Variants in PRKN observed in about 807,000 individuals in gnomAD.
PRKN encodes parkin RBR E3 ubiquitin protein ligase.
In PRKN, 56 loss-of-function variants were observed where a neutral mutation model predicts 59.5. The observed-to-expected ratio is 0.94, with a 90% confidence interval of 0.76 to 1.18. The LOEUF (loss-of-function observed/expected upper bound fraction) is 1.18, where lower values mean the gene tolerates loss of function less well. Ranked by LOEUF, PRKN falls within the 50% of genes most tolerant of loss-of-function variation. The probability of loss-of-function intolerance (pLI) is 0.00; values close to 1 mark genes in which losing one functional copy is unlikely to be tolerated. For synonymous variants in PRKN, 250 were observed against 222.1 expected, an observed-to-expected ratio of 1.13 and a Z score of -1.12; for missense variants, 657 against 596.4, an observed-to-expected ratio of 1.10 and a Z score of -1.06.
chr6:162,685,480 C>A (rs531098338), intron 1 of PRKN, among the ~76,000 whole-genome samples: 1 of 151,984 alleles, frequency 6.6e-6, no homozygotes, highest in African/African-American at 2.4e-5. Flanking sequence ...TGGAAAATGT[C>A]GTAGTACAAA....
intron 7 of PRKN, among the ~76,000 whole-genome samples, chr6:161,656,587 G>A (rs6908057): frequency 0.45 from 68,009 of 151,988 alleles, 17,462 homozygotes; most frequent in African/African-American, 0.72. Context: ...CCAATGAAAC[G>A]TTTCAGTCCT....
At chr6:161,364,262 C>T (rs575297262) in intron 10 of PRKN, among the ~76,000 whole-genome samples, 14 of 149,798 alleles carry the variant, frequency 9.3e-5, no homozygotes, top group South Asian at 6.4e-4. Flanking sequence ...AGTTTGAGAC[C>T]GTCCTGACCA....
intron 4 of PRKN, among the ~76,000 whole-genome samples, chr6:162,099,456 A>G (rs1389444573): frequency 6.6e-6 from 1 of 152,212 alleles, no homozygotes; most frequent in African/African-American, 2.4e-5. Flanking sequence ...GAACCTATGA[A>G]TATGTAACAC....
Position 161,676,601 on chromosome 6 carries a change from G to C in PRKN, c.872-107185C>G, listed in dbSNP as rs915294079. Reference sequence around the variant, plus strand: ...GACTGTCTAGGGCTCCTTTTGTGCTGCGACAGCGTGGTTGAGTAGCTGGGA... The same window carrying C: ...GACTGTCTAGGGCTCCTTTTGTGCTCCGACAGCGTGGTTGAGTAGCTGGGA... On this transcript the variant is annotated intron_variant, in intron 7 of 11. Coordinates refer to ENST00000366898, the MANE Select transcript of PRKN (RefSeq NM_004562.3). Among the ~76,000 whole-genome samples, 5 of 152,332 alleles carry C rather than the reference G, an allele frequency of 3.3e-5. No individual in the cohort carries two copies. The South Asian group carries it at 6.2e-4, about 19-fold the overall frequency.
chr6:161,633,700 C>T (rs1237774443), intron 7 of PRKN, among the ~76,000 whole-genome samples: 2 of 152,180 alleles, frequency 1.3e-5, no homozygotes, highest in Non-Finnish European at 2.9e-5. Context: ...AAAGTGCTTT[C>T]TTGCCACTTC....
intron 9 of PRKN, among the ~76,000 whole-genome samples, chr6:161,392,771 TA>T (rs5881403): frequency 1.5e-4 from 23 of 148,950 alleles, no homozygotes; most frequent in South Asian, 4.2e-4. Flanking sequence ...AGGTATAGAA[TA>T]AAAAAAAAAA....
chr6:161,733,798 G>GTATATATATATATATATATATATATGTA (rs10597402), intron 7 of PRKN, among the ~76,000 whole-genome samples: 3 of 122,386 alleles, frequency 2.5e-5, no homozygotes, highest in East Asian at 2.3e-4. Flanking sequence ...ATATATATAT[G>GTATATATATATATATATATATATATGTA]TATATATATA....
rs1455251968 is a variant in PRKN, at chr6:161,562,041, C to T, written c.933+7314G>A. Among the ~76,000 whole-genome samples the T allele has an allele frequency of 2.6e-5, 4 of 152,176 alleles. No individual in the cohort carries two copies. In the East Asian group the frequency reaches 7.7e-4, roughly 29 times the overall value. On this transcript the variant is annotated intron_variant, in intron 8 of 11. Transcript: ENST00000366898. The surrounding 1 kb of genome is among the most constrained non-coding windows in gnomAD (Gnocchi z 4.3). ...AAATCACCATTCCTCCTCTGGAAGG[C>T]CCGCCTTCTCAGCTTCCCCAACACC...
chr6:162,120,856 A>G (rs1217511567), intron 4 of PRKN, among the ~76,000 whole-genome samples: 3 of 152,214 alleles, frequency 2.0e-5, no homozygotes, highest in Non-Finnish European at 4.4e-5. Context: ...TACTTACTCC[A>G]TACTCATTTA....
At chr6:162,657,007 G>A (rs73783774) in intron 1 of PRKN, among the ~76,000 whole-genome samples, 4,953 of 152,228 alleles carry the variant, frequency 0.033, 289 homozygotes, top group African/African-American at 0.11. Context: ...GATGCCTGTC[G>A]TATCCTGCCA....
chr6:161,744,854 G>A (rs561075266), intron 7 of PRKN, among the ~76,000 whole-genome samples: 10 of 152,278 alleles, frequency 6.6e-5, no homozygotes, highest in Admixed American at 2.0e-4. Context: ...ATTTAATTAC[G>A]GTGATAGATG....
chr6:162,283,453 AGAC>A (rs1369449531), intron 2 of PRKN, among the ~76,000 whole-genome samples: 1 of 152,150 alleles, frequency 6.6e-6, no homozygotes, highest in East Asian at 1.9e-4. Flanking sequence ...GTGCCTTCTG[AGAC>A]GACAAGAGAG....
At chr6:162,301,216 A>G (rs921574946) in intron 2 of PRKN, among the ~76,000 whole-genome samples, 2 of 152,162 alleles carry the variant, frequency 1.3e-5, no homozygotes, top group Non-Finnish European at 2.9e-5. Context: ...TGGGAGCTAA[A>G]GAGGCTTGCC....
At chr6:162,585,842 C>T (rs1174188032) in intron 1 of PRKN, among the ~76,000 whole-genome samples, 2 of 151,888 alleles carry the variant, frequency 1.3e-5, no homozygotes, top group Non-Finnish European at 2.9e-5. Context: ...GCTGGGATTA[C>T]AGGCGCGTGC....
chr6:161,899,839 C>A (rs1289598046), intron 6 of PRKN, among the ~76,000 whole-genome samples: 2 of 152,106 alleles, frequency 1.3e-5, no homozygotes. Flanking sequence ...TATGGACAAC[C>A]GGGCCGGGCC....
At chr6:162,187,889 T>C (rs543622623) in intron 4 of PRKN, among the ~76,000 whole-genome samples, 1 of 152,240 alleles carries the variant, frequency 6.6e-6, no homozygotes, top group South Asian at 2.1e-4. Context: ...TCTTGGACAT[T>C]AATATGGTTT....
rs138897777 is a variant in PRKN, at chr6:162,380,665, C to T, written c.171+62645G>A. On this transcript the variant is annotated intron_variant, in intron 2 of 11. Transcript: ENST00000366898. ...TTAAAGATACTCATTCAGATTCTAT[C>T]ATTTGCTAGATATAAGCCTTGAGAA... Among the ~76,000 whole-genome samples the T allele has an allele frequency of 9.5e-3, 1,433 of 151,428 alleles. 25 individuals are homozygous for T. The highest frequency in any genetic ancestry group is 0.033 in the African/African-American group (1,377 of 41,302).
chr6:161,387,086 G>T (rs1286535327), intron 9 of PRKN, among the ~76,000 whole-genome samples: 1 of 152,116 alleles, frequency 6.6e-6, no homozygotes. Flanking sequence ...CCATAGCAGG[G>T]CTACAGAGAT....
intron 3 of PRKN, among the ~76,000 whole-genome samples, chr6:162,251,636 A>G (rs746604653): frequency 1.3e-5 from 2 of 152,250 alleles, no homozygotes; most frequent in Non-Finnish European, 2.9e-5. Flanking sequence ...TCCCATCACA[A>G]GAAGAAACTG....
Sources: gnomAD v4.1 joint callset for allele counts (sites outside exome capture counted in the v4.1 genomes callset) on GRCh38, gnomAD v4.1.1 for gene constraint, Gnocchi (gnomAD v3.1) non-coding constraint, MANE v1.5 for transcripts, NCBI Gene and HGNC (gene_info 2026-07-23, HGNC 2026-07-21) for gene names.